KCNT2: variants seen among roughly 807,000 people sequenced by gnomAD.
KCNT2 encodes potassium sodium-activated channel subfamily T member 2.
Under a neutral mutation model 153.8 loss-of-function variants are expected in KCNT2, and 67 were observed. That is an observed-to-expected ratio of 0.44 (90% confidence interval 0.36 to 0.53). The LOEUF is 0.53. Ranked by LOEUF, KCNT2 falls within the 20% of genes least tolerant of loss-of-function variation. The pLI, the probability that KCNT2 is intolerant of heterozygous loss-of-function variation, is 0.00. For synonymous variants in KCNT2, 500 were observed against 458.8 expected (o/e 1.09, Z -1.15); for missense variants, 975 against 1,354.8 (o/e 0.72, Z 4.40).
intron 12 of KCNT2, among the ~76,000 whole-genome samples, chr1:196,400,535 G>T (rs1379517161): frequency 6.6e-6 from 1 of 151,722 alleles, no homozygotes; most frequent in Non-Finnish European, 1.5e-5. Context: ...GAGGTTGGCA[G>T]TCAGTTATCG....
intron 22 of KCNT2, among the ~76,000 whole-genome samples, chr1:196,286,012 T>C (rs965641149): frequency 1.3e-4 from 20 of 151,534 alleles, no homozygotes; most frequent in African/African-American, 3.6e-4. Flanking sequence ...TTACTCTTCA[T>C]ACAAGAAGAG....
chr1:196,365,521 C>A (rs747747062), intron 14 of KCNT2, among the ~76,000 whole-genome samples: 78 of 152,066 alleles, frequency 5.1e-4, no homozygotes, highest in Middle Eastern at 3.2e-3. Flanking sequence ...ATATTTAAGG[C>A]ATTGAATCAA....
At chr1:196,599,958 A>G (rs1321027777) in intron 1 of KCNT2, among the ~76,000 whole-genome samples, 2 of 152,216 alleles carry the variant, frequency 1.3e-5, no homozygotes, top group Admixed American at 6.5e-5. Context: ...AGAGAGACAA[A>G]TAAGTCTAAT....
intron 23 of KCNT2, 63 bp downstream of exon 23, chr1:196,285,594 T>C: frequency 2.9e-6 from 3 of 1,043,464 alleles, no homozygotes; most frequent in Non-Finnish European, 4.3e-6. Context: ...GTATTATTCA[T>C]TTAAATAAAA....
chr1:196,494,490 C>T (rs1680094272), intron 1 of KCNT2, among the ~76,000 whole-genome samples: 2 of 152,018 alleles, frequency 1.3e-5, no homozygotes, highest in South Asian at 2.1e-4. Flanking sequence ...AGCTCCACCT[C>T]CCGGGTTCAC....
chr1:196,408,742 AAC>A (rs1672040538), intron 12 of KCNT2, among the ~76,000 whole-genome samples: 1 of 151,692 alleles, frequency 6.6e-6, no homozygotes, highest in Non-Finnish European at 1.5e-5. Flanking sequence ...ATAATCAGAT[AAC>A]ATATTCTGTA....
chr1:196,538,640 T>C (rs1655931628), intron 1 of KCNT2, among the ~76,000 whole-genome samples: 1 of 152,140 alleles, frequency 6.6e-6, no homozygotes, highest in Non-Finnish European at 1.5e-5. Context: ...ATGTGCCTCA[T>C]GTAGCATGGT....
chr1:196,573,747 G>A (rs1410103618), intron 1 of KCNT2, among the ~76,000 whole-genome samples: 1 of 152,014 alleles, frequency 6.6e-6, no homozygotes, highest in African/African-American at 2.4e-5. Context: ...AAATGTTCAT[G>A]AGATTGAATA....
intron 4 of KCNT2, 150 bp downstream of exon 4, chr1:196,482,181 A>T: frequency 1.7e-6 from 1 of 602,250 alleles, no homozygotes; most frequent in East Asian, 3.4e-5. Flanking sequence ...ACAAGAAAAA[A>T]GAAATGAAAA....
chr1:196,281,002 A>C lies in KCNT2; in HGVS notation c.2782-14T>G. ...AGTGATTTTCATCTATAACACACACAAATTATTTACATATTAAATGTGTCA... is the reference window on the plus strand; with the variant it reads ...AGTGATTTTCATCTATAACACACACCAATTATTTACATATTAAATGTGTCA... On this transcript the variant is annotated splice_polypyrimidine_tract_variant and intron_variant, in intron 24 of 27. Coordinates refer to ENST00000294725, the MANE Select transcript of KCNT2 (RefSeq NM_198503.5). 1 of 1,590,576 alleles carries C rather than the reference A, an allele frequency of 6.3e-7. No individual in the cohort carries two copies. The highest frequency in any genetic ancestry group is 8.6e-7 in the Non-Finnish European group (1 of 1,161,936).
intron 14 of KCNT2, among the ~76,000 whole-genome samples, 194 bp from the exon 15 acceptor site, chr1:196,342,422 ATATATATATATATATATATATATATG>A (rs1026531459): frequency 0.016 from 95 of 5,790 alleles, 1 homozygote; most frequent in Non-Finnish European, 0.02. Flanking sequence ...TTTGAATACT[ATATATATATATATATATATATATATG>A]TATATATATA....
At chr1:196,339,679 T>C (rs1665420785) in intron 16 of KCNT2, among the ~76,000 whole-genome samples, 1 of 152,084 alleles carries the variant, frequency 6.6e-6, no homozygotes, top group South Asian at 2.1e-4. Flanking sequence ...AATAAATGAA[T>C]GTATCAGTAT....
At chr1:196,447,803 T>C (rs565624451) in intron 8 of KCNT2, among the ~76,000 whole-genome samples, 110 of 138,416 alleles carry the variant, frequency 7.9e-4, no homozygotes, top group Non-Finnish European at 1.6e-3. Context: ...CAACGTTTTT[T>C]TGGACTGCTG....
intron 14 of KCNT2, among the ~76,000 whole-genome samples, chr1:196,345,498 G>C (rs1666064987): frequency 6.6e-6 from 1 of 152,062 alleles, no homozygotes; most frequent in South Asian, 2.1e-4. Flanking sequence ...GCTGGGAGGA[G>C]GGATCATGTA....
chr1:196,275,878 T>C (rs1300608562), intron 25 of KCNT2, among the ~76,000 whole-genome samples: 1 of 152,052 alleles, frequency 6.6e-6, no homozygotes, highest in African/African-American at 2.4e-5. Context: ...CACCACATTA[T>C]GCCTTTACAT....
intron 13 of KCNT2, among the ~76,000 whole-genome samples, chr1:196,394,246 G>T (rs777515079): frequency 5.3e-5 from 8 of 151,578 alleles, no homozygotes; most frequent in Non-Finnish European, 1.0e-4. Flanking sequence ...CAAATGTTCT[G>T]GGGGACATGA....
intron 1 of KCNT2, among the ~76,000 whole-genome samples, chr1:196,509,447 C>G (rs1370690741): frequency 6.6e-6 from 1 of 151,930 alleles, no homozygotes; most frequent in African/African-American, 2.4e-5. Context: ...ATCTTAGTTA[C>G]CTAACGTTGA....
chr1:196,528,064 A>T (rs1241555699), intron 1 of KCNT2, among the ~76,000 whole-genome samples: 3 of 152,242 alleles, frequency 2.0e-5, no homozygotes, highest in African/African-American at 7.2e-5. Flanking sequence ...ACAATGACCC[A>T]TGTCTATTAC....
At chr1:196,245,530 A>C (rs576480094) in intron 26 of KCNT2, among the ~76,000 whole-genome samples, 8 of 152,326 alleles carry the variant, frequency 5.3e-5, no homozygotes, top group Non-Finnish European at 1.0e-4. Context: ...ATAAGGAATC[A>C]GCGACCAATT....
Sources: gnomAD v4.1 joint callset for allele counts (sites outside exome capture counted in the v4.1 genomes callset) on GRCh38, gnomAD v4.1.1 for gene constraint, MANE v1.5 for transcripts, NCBI Gene and HGNC (gene_info 2026-07-23, HGNC 2026-07-21) for gene names.